Variants in THAP5 observed in about 807,000 individuals in gnomAD.
The protein encoded by THAP5 is THAP domain containing 5, also known as THAP domain-containing protein 5.
A neutral mutation model predicts 34.0 loss-of-function variants in THAP5; 26 were observed. The ratio of observed to expected loss-of-function variants is 0.77; its 90% CI spans 0.56 to 1.06. THAP5 has a LOEUF of 1.06. THAP5 is among the 50% of genes least tolerant of loss of function. The pLI, the probability that THAP5 is intolerant of heterozygous loss-of-function variation, is 0.00. For synonymous variants in THAP5, 125 were observed against 153.0 expected (o/e 0.82, Z 1.35); for missense variants, 394 against 452.8 (o/e 0.87, Z 1.18).
At chr7:108,549,666 T>C (rs982152152), downstream of THAP5, among the ~76,000 whole-genome samples, 6 of 152,248 alleles carry the variant, frequency 3.9e-5, no homozygotes, top group African/African-American at 1.2e-4. Context: ...AATGACAGTT[T>C]GATCTTCCAT....
chr7:108,569,347 C>A, intron 1 of THAP5, 143 bp downstream of exon 1: 1 of 1,491,366 alleles, frequency 6.7e-7, no homozygotes. Context: ...CTAGCGCCTT[C>A]CCTCCGTCTT....
At chr7:108,544,615 G>A in the THAP5 span, among the ~76,000 whole-genome samples, 2 of 151,530 alleles carry the variant, frequency 1.3e-5, no homozygotes, top group African/African-American at 2.4e-5. Flanking sequence ...AGTAAAAAAC[G>A]CTTATGAAAC....
chr7:108,562,696 CA>C lies in THAP5; in HGVS notation c.*1494del, dbSNP rs1790376628. ...ACTTCCTCAACATCATAGGCAGAAA[CA>C]TAATTATACTGACTGCCAATTTTAA... On this transcript the variant is annotated 3_prime_UTR_variant, in exon 3 of 3. Transcript: ENST00000415914. 6.6e-6 allele frequency: 1 copy of C among 152,164 alleles called. No individual in the cohort carries two copies. The highest frequency in any genetic ancestry group is 1.5e-5 in the Non-Finnish European group (1 of 68,026). 9.4% of individuals were successfully genotyped at this position (152,164 alleles called of 1,614,324 possible). A position where few individuals can be genotyped will look rare whatever the true frequency, so the allele number is the denominator to read the frequency against.
downstream of THAP5, among the ~76,000 whole-genome samples, chr7:108,552,487 C>T (rs546733319): frequency 2.6e-5 from 4 of 152,256 alleles, no homozygotes; most frequent in Admixed American, 2.6e-4. Context: ...ACTTTGCCCT[C>T]GTGGGTTTTA....
At chr7:108,546,412 G>C in the THAP5 span, among the ~76,000 whole-genome samples, 66 of 152,274 alleles carry the variant, frequency 4.3e-4, no homozygotes, top group African/African-American at 1.5e-3. Flanking sequence ...TGTACACCTG[G>C]AACAGGTGAT....
the THAP5 span, among the ~76,000 whole-genome samples, chr7:108,544,630 T>G: frequency 6.6e-6 from 1 of 151,548 alleles, no homozygotes; most frequent in Non-Finnish European, 1.5e-5. Flanking sequence ...TGAAACAAAC[T>G]CTCCATAAAT....
chr7:108,549,963 T>C (rs534980703), downstream of THAP5, among the ~76,000 whole-genome samples: 4 of 152,336 alleles, frequency 2.6e-5, no homozygotes, highest in East Asian at 7.7e-4. Context: ...TTTGCTTCTT[T>C]CTTGATTTGA....
chr7:108,546,478 A>T, the THAP5 span, among the ~76,000 whole-genome samples: 1 of 152,230 alleles, frequency 6.6e-6, no homozygotes, highest in East Asian at 1.9e-4. Context: ...GCTGCCCCTG[A>T]AAAGTTCTGG....
At chr7:108,568,074 A>G (rs767272139) in intron 1 of THAP5, among the ~76,000 whole-genome samples, 1 of 152,244 alleles carries the variant, frequency 6.6e-6, no homozygotes, top group Non-Finnish European at 1.5e-5. Flanking sequence ...TTAGTACAGT[A>G]GTATTTCCCT....
exon 2 of THAP5, chr7:108,554,797 C>T (rs965900400): frequency 6.6e-6 from 1 of 152,188 alleles, no homozygotes; most frequent in Non-Finnish European, 1.5e-5. Flanking sequence ...TTCTTCACTA[C>T]TGTAGTCTGT....
chr7:108,567,487 CTT>C (rs1372147722), intron 1 of THAP5, among the ~76,000 whole-genome samples: 9 of 152,028 alleles, frequency 5.9e-5, no homozygotes, highest in African/African-American at 2.2e-4. Flanking sequence ...TTAAAAAAAA[CTT>C]TGTGAATATC....
chr7:108,564,342 G>C lies in THAP5; in HGVS notation c.1037C>G (p.Thr346Ser). 6.2e-7 allele frequency: 1 copy of C among 1,613,858 alleles called. No homozygotes were observed. Among genetic ancestry groups the C allele is most frequent in the Non-Finnish European group, 8.5e-7 (1 of 1,179,880 alleles). Residue 346 changes from threonine to serine, a missense_variant, in exon 3 of 3, where the codon ACT becomes AGT. Physicochemically the swap from Thr to Ser is moderately conservative, Grantham distance 58. Transcript: ENST00000415914. ...TTGTTGCTCTTTTAACTCTAGAAGAGTTATCTTTGAATGTAGCTTAGAGAC... is the reference window on the plus strand; with the variant it reads ...TTGTTGCTCTTTTAACTCTAGAAGACTTATCTTTGAATGTAGCTTAGAGAC... ...QKVSKLHSKI[T>S]LLELKEQQTL...
At chr7:108,542,768 T>A in the THAP5 span, among the ~76,000 whole-genome samples, 1 of 151,526 alleles carries the variant, frequency 6.6e-6, no homozygotes, top group Non-Finnish European at 1.5e-5. Flanking sequence ...TGGCCAAGCA[T>A]CTTCTGTTTC....
In THAP5 at chr7:108,564,759, A is replaced by T; in HGVS notation, c.620T>A (p.Leu207Ter). Residue 207 changes from leucine (L) to a stop codon, truncating the protein, a stop_gained, in exon 3 of 3, where the codon TTG becomes TAG. Coordinates refer to ENST00000415914, the MANE Select transcript of THAP5 (RefSeq NM_001130475.3). LOFTEE classifies it high-confidence loss of function. ...AATACTTTCTGAATTTGAAGTTGTCAAAGTAATAGTTGTAGAATTTAGATT... is the reference window on the plus strand; with the variant it reads ...AATACTTTCTGAATTTGAAGTTGTCTAAGTAATAGTTGTAGAATTTAGATT... Reference protein sequence around the residue: ...FENLNSTTITLTTSNSESIHQ... With the variant: ...FENLNSTTIT The T allele has an allele frequency of 6.2e-7, 1 of 1,613,368 alleles. No homozygotes were observed. Among genetic ancestry groups the T allele is most frequent in the Non-Finnish European group, 8.5e-7 (1 of 1,179,528 alleles).
chr7:108,569,216 T>C, intron 1 of THAP5: 2 of 1,348,886 alleles, frequency 1.5e-6, no homozygotes, highest in Non-Finnish European at 9.5e-7. Flanking sequence ...GGGAAAAGAC[T>C]GAAAACCACA....
chr7:108,542,570 C>G, the THAP5 span, among the ~76,000 whole-genome samples: 1 of 152,130 alleles, frequency 6.6e-6, no homozygotes, highest in African/African-American at 2.4e-5. Flanking sequence ...TCAAGCGATT[C>G]TCCTGCCTCA....
chr7:108,558,377 G>GTGTGTGTGTATATATATATATATATATA (rs1401164750), downstream of THAP5, among the ~76,000 whole-genome samples: 2 of 63,014 alleles, frequency 3.2e-5, no homozygotes, highest in Non-Finnish European at 5.7e-5. Context: ...ATGTGTGTGT[G>GTGTGTGTGTATATATATATATATATATA]TATGTATATA....
the THAP5 span, among the ~76,000 whole-genome samples, chr7:108,543,421 G>A: frequency 6.6e-6 from 1 of 152,168 alleles, no homozygotes; most frequent in Non-Finnish European, 1.5e-5. Flanking sequence ...AGGCCAGTCC[G>A]GATTCAAGAG....
At chr7:108,558,607 A>C (rs555990562), downstream of THAP5, among the ~76,000 whole-genome samples, 146 of 151,682 alleles carry the variant, frequency 9.6e-4, 1 homozygote, top group Non-Finnish European at 1.8e-3. Context: ...CGTGTTGGTC[A>C]GGCTGGTCTT....
Sources: allele counts gnomAD v4.1 joint callset (sites outside exome capture counted in the v4.1 genomes callset), GRCh38; gene constraint gnomAD v4.1.1; transcripts MANE v1.5; gene names NCBI Gene and HGNC (gene_info 2026-07-23, HGNC 2026-07-21).